Variants in LPP observed in about 807,000 individuals in gnomAD.
LPP encodes the protein lipoma-preferred partner.
A neutral mutation model predicts 60.4 loss-of-function variants in LPP; 38 were observed. The observed-to-expected ratio is 0.63, with a 90% CI of 0.49 to 0.83. The LOEUF is 0.83. LPP is among the 40% of genes least tolerant of loss of function. LPP has a pLI of 0.00. For synonymous variants in LPP, 328 were observed against 290.8 expected, an observed-to-expected ratio of 1.13 and a Z score of -1.30; for missense variants, 902 against 783.6, an observed-to-expected ratio of 1.15 and a Z score of -1.80.
At chr3:188,448,825 G>A (rs959451095) in intron 4 of LPP, among the ~76,000 whole-genome samples, 1 of 152,186 alleles carries the variant, frequency 6.6e-6, no homozygotes, top group African/African-American at 2.4e-5. Context: ...ATCTTAGTGA[G>A]TTGTTGAAAC....
intron 4 of LPP, among the ~76,000 whole-genome samples, chr3:188,474,961 G>T (rs566546800): frequency 1.1e-4 from 16 of 152,280 alleles, no homozygotes; most frequent in South Asian, 4.1e-4. Flanking sequence ...AGTGCTATTT[G>T]GTTCTAGTCG....
chr3:188,290,451 A>G (rs1388703639), intron 2 of LPP, among the ~76,000 whole-genome samples: 1 of 152,172 alleles, frequency 6.6e-6, no homozygotes. Flanking sequence ...GAGGATTAAC[A>G]AAGTTAGAAT....
chr3:188,705,269 C>G (rs926568068), intron 7 of LPP, among the ~76,000 whole-genome samples: 11 of 152,136 alleles, frequency 7.2e-5, no homozygotes, highest in African/African-American at 2.7e-4. Context: ...TTACTTTATC[C>G]TATTCTGCAG....
At chr3:188,197,818 C>T (rs543845775) in intron 1 of LPP, among the ~76,000 whole-genome samples, 1 of 152,304 alleles carries the variant, frequency 6.6e-6, no homozygotes, top group East Asian at 1.9e-4. Flanking sequence ...CAAGGTGCAA[C>T]CCCGTTATGT....
At chr3:188,466,806 C>CATAT (rs56406660) in intron 4 of LPP, among the ~76,000 whole-genome samples, 10 of 106,528 alleles carry the variant, frequency 9.4e-5, no homozygotes, top group African/African-American at 3.9e-4. Flanking sequence ...CATCTCAGAA[C>CATAT]ATATATATAT....
rs557092939 is a variant in LPP at position 188,610,452 on chromosome 3, G to C, written c.1113+608G>C. ...AGGTCTAAGATAATGCAAATGCCTT[G>C]GACAGTTTCTCCTTTGAGAAGGGGC... On this transcript the variant is annotated intron_variant, in intron 7 of 11. Coordinates refer to ENST00000617246, the MANE Select transcript of LPP (RefSeq NM_001375462.1). This position sits in a 1 kb window ranked among gnomAD's most constrained non-coding sequence, Gnocchi z 4.4. 2.9e-4 allele frequency among the ~76,000 whole-genome samples: 44 copies of C among 152,308 alleles called. No homozygotes were observed. Among genetic ancestry groups the C allele is most frequent in the African/African-American group, 1.0e-3 (43 of 41,582 alleles).
chr3:188,864,403 G>T (rs1436182071), intron 9 of LPP, among the ~76,000 whole-genome samples: 1 of 152,188 alleles, frequency 6.6e-6, no homozygotes, highest in Non-Finnish European at 1.5e-5. Context: ...AGTATACTGG[G>T]TGCATTATAG....
At chr3:188,391,086 A>G (rs934925398) in intron 3 of LPP, among the ~76,000 whole-genome samples, 2 of 152,234 alleles carry the variant, frequency 1.3e-5, no homozygotes, top group African/African-American at 4.8e-5. Context: ...CTTAAATCCA[A>G]GTAAATTCCC....
rs1014106248 is a variant in LPP at position 188,452,840 on chromosome 3, C to T, written c.194-31752C>T. The stretch of plus-strand genomic sequence containing the variant: ...AGTTATTCTGTATCCTGTGAAGAAT[C>T]TCTGTTTTGTCATATTGTATTCCCT... On this transcript the variant is annotated intron_variant, in intron 4 of 11. Coordinates refer to ENST00000617246, the MANE Select transcript of LPP (RefSeq NM_001375462.1). 1.2e-4 allele frequency among the ~76,000 whole-genome samples: 19 copies of T among 152,262 alleles called. 1 individual carries two copies. Among genetic ancestry groups the T allele is most frequent in the African/African-American group, 2.6e-4 (11 of 41,558 alleles).
At chr3:188,328,614 T>A (rs1759109391) in intron 2 of LPP, among the ~76,000 whole-genome samples, 1 of 152,194 alleles carries the variant, frequency 6.6e-6, no homozygotes, top group Non-Finnish European at 1.5e-5. Context: ...CGTCAGTCAT[T>A]GTTTCAAATA....
chr3:188,301,803 G>C (rs1030498281), intron 2 of LPP, among the ~76,000 whole-genome samples: 1 of 151,928 alleles, frequency 6.6e-6, no homozygotes, highest in Admixed American at 6.6e-5. Flanking sequence ...ACAGTTGTGT[G>C]CCACAATGCC....
At chr3:188,247,072 G>A in intron 2 of LPP, 2 of 400,748 alleles carry the variant, frequency 5.0e-6, no homozygotes, top group Non-Finnish European at 3.4e-6. Context: ...GTGTGTGACT[G>A]AGTTCAGATC....
At chr3:188,320,031 T>G (rs1447753261) in intron 2 of LPP, among the ~76,000 whole-genome samples, 1 of 152,242 alleles carries the variant, frequency 6.6e-6, no homozygotes, top group African/African-American at 2.4e-5. Flanking sequence ...TGCTTTCTCA[T>G]GATTAAATTG....
At chr3:188,660,644 C>CTGTGTGTGTG (rs1217077290) in intron 7 of LPP, among the ~76,000 whole-genome samples, 1,801 of 150,054 alleles carry the variant, frequency 0.012, 22 homozygotes, top group African/African-American at 0.027. Flanking sequence ...TTCCAAAGAT[C>CTGTGTGTGTG]TGTGTGTGTG....
chr3:188,719,011 G>T (rs1715239863), intron 8 of LPP, among the ~76,000 whole-genome samples: 1 of 151,972 alleles, frequency 6.6e-6, no homozygotes, highest in Non-Finnish European at 1.5e-5. Flanking sequence ...AAGGGCACAG[G>T]AAAACATATA....
chr3:188,371,164 G>A (rs767075001), intron 3 of LPP, among the ~76,000 whole-genome samples: 2 of 151,992 alleles, frequency 1.3e-5, no homozygotes, highest in Non-Finnish European at 2.9e-5. Flanking sequence ...GAGGGTTACT[G>A]GTAACTATTA....
chr3:188,247,261 G>T, intron 2 of LPP: 13 of 477,748 alleles, frequency 2.7e-5, no homozygotes, highest in South Asian at 9.2e-5. Flanking sequence ...ACTTTAGTGG[G>T]AAAAAAAAAA....
chr3:188,407,780 GTTTGTTTGTTTTTTTTT>G (rs1783934360), intron 4 of LPP, among the ~76,000 whole-genome samples: 4 of 94,896 alleles, frequency 4.2e-5, no homozygotes, highest in East Asian at 2.8e-4. Flanking sequence ...TTTTTTTTTT[GTTTGTTTGTTTTTTTTT>G]TTTTTTTTTT....
At chr3:188,485,450 A>G (rs976845980) in intron 5 of LPP, among the ~76,000 whole-genome samples, 1 of 152,238 alleles carries the variant, frequency 6.6e-6, no homozygotes, top group African/African-American at 2.4e-5. Flanking sequence ...GATACATTGA[A>G]GAAAAAAATG....
Sources: allele counts gnomAD v4.1 joint callset (sites outside exome capture counted in the v4.1 genomes callset), GRCh38; gene constraint gnomAD v4.1.1; non-coding constraint Gnocchi (gnomAD v3.1); transcripts MANE v1.5; gene names NCBI Gene and HGNC (gene_info 2026-07-23, HGNC 2026-07-21).